The following PLD2 variants were observed in gnomAD, a reference collection of about 807,000 sequenced individuals.
The protein encoded by PLD2 is choline phosphatase 2.
Under a neutral mutation model 119.8 loss-of-function variants are expected in PLD2, and 101 were observed. The ratio of observed to expected loss-of-function variants is 0.84; its 90% CI spans 0.72 to 0.99. The LOEUF (loss-of-function observed/expected upper bound fraction) is 0.99. PLD2 is among the 50% of genes least tolerant of loss of function. PLD2 has a pLI of 0.00. For missense variants in PLD2, 1,164 were observed against 1,226.8 expected (o/e 0.95, Z 0.76); for synonymous variants, 494 against 482.8 (o/e 1.02, Z -0.30).
chr17:4,814,763 T>G, intron 12 of PLD2, 52 bp downstream of exon 12: 1 of 1,510,670 alleles, frequency 6.6e-7, no homozygotes, highest in Non-Finnish European at 9.2e-7. Context: ...TGGGTGGAGG[T>G]TGATTAGCAG....
chr17:4,822,170 C>T (rs1183712353), intron 24 of PLD2, among the ~76,000 whole-genome samples: 2 of 151,942 alleles, frequency 1.3e-5, no homozygotes, highest in Non-Finnish European at 2.9e-5. Flanking sequence ...TGGCAAAACC[C>T]CATCTCTACT....
Position 4,817,819 on chromosome 17 carries a change from G to A in PLD2, c.1816-183G>A, listed in dbSNP as rs113383340. On this transcript the variant is annotated intron_variant, in intron 17 of 24. Transcript: ENST00000263088. ...TAAAAATACAAAAAATTAGCCGGGA[G>A]TGGTGGTGCGTACCTGTAGTCCCAG... 591 of 504,076 alleles carry A rather than the reference G, an allele frequency of 1.2e-3. 1 individual carries two copies. The highest frequency in any genetic ancestry group is 9.9e-3 in the African/African-American group (507 of 51,144). The allele number at this position is 504,076 out of a possible 1,614,324, so 31.2% of individuals were successfully genotyped here. A position where few individuals can be genotyped will look rare whatever the true frequency, so the allele number is the denominator to read the frequency against.
Position 4,809,499 on chromosome 17 carries a change from T to C in PLD2, c.562T>C (p.Phe188Leu), listed in dbSNP as rs775338108. ...FYRNYHAMTE[F>L]LEVSQLSFIP... ...CTTTTGTTTTCCTCTGCAGACAGAG[T>C]TCCTGGAAGTCAGTCAGCTGTCCTT... The change falls in exon 7 of 25, where the codon TTC becomes CTC. Residue 188 changes from phenylalanine to leucine, a missense_variant. By Grantham distance (22) the Phe-to-Leu change is conservative. Transcript: ENST00000263088. 3 of 1,607,110 alleles carry C rather than the reference T, an allele frequency of 1.9e-6. No individual in the cohort carries two copies. Among genetic ancestry groups the C allele is most frequent in the South Asian group, 2.2e-5 (2 of 90,584 alleles).
chr17:4,821,463 G>A (rs1197252984), intron 23 of PLD2, among the ~76,000 whole-genome samples: 2 of 151,826 alleles, frequency 1.3e-5, no homozygotes, highest in African/African-American at 4.8e-5. Flanking sequence ...GCGTTACCAC[G>A]GCTCACTGCA....
rs775846682 is a variant in PLD2 at position 4,816,576 on chromosome 17, C to A, written c.1456-44C>A. The A allele has an allele frequency of 6.8e-6, 11 of 1,608,394 alleles. No homozygotes were observed. In the Admixed American group the frequency reaches 8.3e-5, roughly 12 times the overall value. ...CTTTGGCCCTGGCTCTGTACAGCCC[C>A]ATGACTTCCCCTTGCCCCTGGCTTG... On this transcript the variant is annotated intron_variant, in intron 14 of 24. Coordinates refer to ENST00000263088, the MANE Select transcript of PLD2 (RefSeq NM_002663.5).
rs202012648 is a variant in PLD2 at position 4,809,320 on chromosome 17, A to G, written c.512A>G (p.Asn171Ser). ...SKQKYLENYL[N>S]RLLTMSFYRN... Reference sequence around the variant, plus strand: ...CAGAAATACCTGGAGAATTACCTCAACCGTCTCTTGACCATGTCTTTCTAT... The same window carrying G: ...CAGAAATACCTGGAGAATTACCTCAGCCGTCTCTTGACCATGTCTTTCTAT... The change falls in exon 6 of 25, where the codon AAC (asparagine) becomes AGC (serine). Residue 171 changes from asparagine (N) to serine (S), a missense_variant. Physicochemically the swap from Asn to Ser is conservative, Grantham distance 46. Coordinates refer to ENST00000263088, the MANE Select transcript of PLD2 (RefSeq NM_002663.5). 177 of 1,613,982 alleles carry G rather than the reference A, an allele frequency of 1.1e-4. 1 individual carries two copies. The East Asian group carries it at 3.4e-3, about 31-fold the overall frequency.
intron 23 of PLD2, among the ~76,000 whole-genome samples, chr17:4,821,062 C>T (rs1289033142): frequency 6.6e-6 from 1 of 150,946 alleles, no homozygotes; most frequent in Non-Finnish European, 1.5e-5. Context: ...GCCACCATGC[C>T]CAGCTAATTT....
Position 4,822,698 on chromosome 17 carries a change from TGGCCGTGGAGCC to T in PLD2, c.2637_2648del (p.Ala880_Pro883del). 2 of 1,614,146 alleles carry T rather than the reference TGGCCGTGGAGCC, an allele frequency of 1.2e-6. No individual in the cohort carries two copies. ...TCCCTGCGGACTCTCCGGGAGTACG[TGGCCGTGGAGCC>T]CTTGGCCACGGTCAGTCCCCCCTTG... On this transcript the variant is annotated inframe_deletion, in exon 25 of 25. Transcript: ENST00000263088.
chr17:4,818,228 C>A, intron 18 of PLD2, 69 bp from the exon 19 acceptor site: 4 of 1,484,310 alleles, frequency 2.7e-6, no homozygotes, highest in Non-Finnish European at 3.8e-6. Flanking sequence ...GAGCCTGGGA[C>A]CAAGGCTGGA....
intron 12 of PLD2, 125 bp from the exon 13 acceptor site, chr17:4,815,351 A>G (rs1295682336): frequency 1.4e-6 from 1 of 707,306 alleles, no homozygotes; most frequent in East Asian, 2.5e-5. Context: ...AAAGCAGGGC[A>G]TATGTGGCAG....
rs368719672 is a variant in PLD2 at position 4,811,296 on chromosome 17, TC to T, written c.1010+346del. ...CCTTCATTTAATAAACATTTTCTTT[TC>T]TTTTTTTTTTTTTTTTTTTTTGAGA... On this transcript the variant is annotated intron_variant, in intron 10 of 24. Transcript: ENST00000263088. Among the ~76,000 whole-genome samples the T allele has an allele frequency of 3.5e-5, 4 of 113,872 alleles. No homozygotes were observed. In the South Asian group the frequency reaches 1.2e-3, roughly 34 times the overall value. The allele number at this position is 113,872 out of a possible 152,430, so 74.7% of individuals were successfully genotyped here.
In PLD2 at chr17:4,807,922, T is replaced by C. The variant is rs369238032; in HGVS notation, c.109+41T>C. ...GGATGGCCCTCAGGGAGGAGAGGCG[T>C]TCGGGAGCCAGGGGGCTGGGGCCTG... is the stretch of plus-strand genomic sequence containing the variant. On this transcript the variant is annotated intron_variant, in intron 2 of 24. Coordinates refer to ENST00000263088, the MANE Select transcript of PLD2 (RefSeq NM_002663.5). The surrounding 1 kb of genome is among the most constrained non-coding windows in gnomAD (Gnocchi z 5.4). 54 of 1,607,238 alleles carry C rather than the reference T, an allele frequency of 3.4e-5. No individual in the cohort carries two copies. The highest frequency in any genetic ancestry group is 4.4e-5 in the Non-Finnish European group (52 of 1,174,748).
intron 17 of PLD2, 161 bp from the exon 18 acceptor site, chr17:4,817,841 C>A (rs559061102): frequency 1.3e-5 from 7 of 544,676 alleles, no homozygotes; most frequent in South Asian, 2.0e-5. Flanking sequence ...ACCTGTAGTC[C>A]CAGCTACTTA....
At position 4,819,316 on chromosome 17, in the gene PLD2, G is replaced by C. The variant is rs1422670977; in HGVS notation, c.2308+98G>C. 5.6e-6 allele frequency: 9 copies of C among 1,592,962 alleles called. No individual in the cohort carries two copies. The Admixed American group carries it at 1.5e-4, about 27-fold the overall frequency. On this transcript the variant is annotated intron_variant, in intron 22 of 24. Transcript: ENST00000263088. This position sits in a 1 kb window ranked among gnomAD's most constrained non-coding sequence, Gnocchi z 4.2. ...AGAGACTGCAGCTGAGGCTCGTGTA[G>C]GGGTGGAGGGTCCAAGAAGGAATGT...
Position 4,808,584 on chromosome 17 carries a change from T to C in PLD2, c.383+168T>C. 1.5e-6 allele frequency: 1 copy of C among 667,828 alleles called. No individual in the cohort carries two copies. Among genetic ancestry groups the C allele is most frequent in the East Asian group, 2.6e-5 (1 of 37,886 alleles). The allele number at this position is 667,828 out of a possible 1,614,324, so 41.4% of individuals were successfully genotyped here. A position where few individuals can be genotyped will look rare whatever the true frequency, so the allele number is the denominator to read the frequency against. ...TTCCCTGCTCAGCTTTCCCTGTCCATGGTTCTGTGCCAGCATCTCAGCTGG... is the reference window on the plus strand; with the variant it reads ...TTCCCTGCTCAGCTTTCCCTGTCCACGGTTCTGTGCCAGCATCTCAGCTGG... On this transcript the variant is annotated intron_variant, in intron 4 of 24. Coordinates refer to ENST00000263088, the MANE Select transcript of PLD2 (RefSeq NM_002663.5). This position sits in a 1 kb window ranked among gnomAD's most constrained non-coding sequence, Gnocchi z 4.1.
chr17:4,812,695 C>G (rs1273854091), intron 10 of PLD2, among the ~76,000 whole-genome samples: 1 of 152,058 alleles, frequency 6.6e-6, no homozygotes, highest in Admixed American at 6.6e-5. Context: ...GTGGGGCACA[C>G]GAGGGAACAT....
rs746412343 is a variant in PLD2 at position 4,819,484 on chromosome 17, C to T, written c.2364C>T (p.Ala788=). The T allele has an allele frequency of 1.3e-5, 21 of 1,613,874 alleles. 1 individual carries two copies. The highest frequency in any genetic ancestry group is 7.7e-5 in the South Asian group (7 of 91,064). Residue 788 remains alanine (A), a synonymous_variant, in exon 23 of 25, where the codon GCC becomes GCT. Coordinates refer to ENST00000263088, the MANE Select transcript of PLD2 (RefSeq NM_002663.5). This position sits in a 1 kb window ranked among gnomAD's most constrained non-coding sequence, Gnocchi z 4.2. ...SLLGKRDSEL[A]VLIEDTETEP... is the part of the protein sequence containing the mutation. ...TGGGGAAGCGGGACAGTGAGCTGGC[C>T]GTGCTGATCGAGGACACAGAGACGG...
intron 9 of PLD2, among the ~76,000 whole-genome samples, chr17:4,810,239 G>T (rs754978829): frequency 2.0e-5 from 3 of 152,196 alleles, no homozygotes; most frequent in Non-Finnish European, 4.4e-5. Flanking sequence ...AGAAGCCTGG[G>T]AAGGGAACTG....
At chr17:4,815,245 G>T (rs1419038961) in intron 12 of PLD2, among the ~76,000 whole-genome samples, 1 of 152,058 alleles carries the variant, frequency 6.6e-6, no homozygotes, top group Non-Finnish European at 1.5e-5. Flanking sequence ...TTGGGAAGAT[G>T]GATGGATGGA....
Sources: allele counts gnomAD v4.1 joint callset (sites outside exome capture counted in the v4.1 genomes callset), GRCh38; gene constraint gnomAD v4.1.1; non-coding constraint Gnocchi (gnomAD v3.1); transcripts MANE v1.5; gene names NCBI Gene and HGNC (gene_info 2026-07-23, HGNC 2026-07-21).